The following ARMC8 variants were observed in gnomAD, a reference collection of about 807,000 sequenced individuals.
ARMC8 encodes armadillo repeat-containing protein 8.
A neutral mutation model predicts 99.3 loss-of-function variants in ARMC8; 20 were observed. That is an observed-to-expected ratio of 0.20 (90% CI 0.14 to 0.29). The LOEUF (loss-of-function observed/expected upper bound fraction) is 0.29, where lower values mean the gene tolerates loss of function less well. Among genes scored for constraint, ARMC8 ranks in the 10% least tolerant of loss-of-function variants. The pLI, the probability that ARMC8 is intolerant of heterozygous loss-of-function variation, is 1.00. For synonymous variants in ARMC8, 263 were observed against 278.3 expected, an observed-to-expected ratio of 0.95 and a Z score of 0.55; for missense variants, 569 against 809.5, an observed-to-expected ratio of 0.70 and a Z score of 3.60.
chr3:138,254,927 T>C (rs942113528), intron 12 of ARMC8, among the ~76,000 whole-genome samples: 1 of 152,180 alleles, frequency 6.6e-6, no homozygotes, highest in Admixed American at 6.5e-5. Context: ...AAATGAAATG[T>C]AGAAACTTAA....
intron 12 of ARMC8, among the ~76,000 whole-genome samples, chr3:138,249,504 A>G (rs1181752580): frequency 1.3e-5 from 2 of 152,088 alleles, no homozygotes; most frequent in Admixed American, 6.5e-5. Context: ...TTCTAGATGT[A>G]TGATTTTTTT....
chr3:138,224,700 A>C (rs1433514761), intron 5 of ARMC8, among the ~76,000 whole-genome samples: 1 of 152,186 alleles, frequency 6.6e-6, no homozygotes, highest in Non-Finnish European at 1.5e-5. Flanking sequence ...CAGTGATCTG[A>C]GATCACACCA....
intron 2 of ARMC8, 147 bp downstream of exon 2, chr3:138,210,040 G>A (rs1437996398): frequency 1.9e-5 from 10 of 528,390 alleles, no homozygotes; most frequent in South Asian, 1.4e-4. Context: ...CATTCATGAC[G>A]TTTAATATTT....
At chr3:138,277,880 CTA>C in intron 18 of ARMC8, among the ~76,000 whole-genome samples, 1 of 152,252 alleles carries the variant, frequency 6.6e-6, no homozygotes, top group Non-Finnish European at 1.5e-5. Flanking sequence ...CCTCAACAAA[CTA>C]TGGTGCATTC....
At chr3:138,265,347 A>G (rs1466640143) in intron 14 of ARMC8, among the ~76,000 whole-genome samples, 5 of 152,212 alleles carry the variant, frequency 3.3e-5, no homozygotes, top group African/African-American at 9.6e-5. Context: ...CCCCTGATAC[A>G]CTACAAAACT....
chr3:138,212,297 C>T (rs1339790723), intron 2 of ARMC8, among the ~76,000 whole-genome samples: 1 of 148,184 alleles, frequency 6.7e-6, no homozygotes, highest in African/African-American at 2.5e-5. Context: ...CATTATCTGT[C>T]TTTAAGTAAT....
At chr3:138,291,446 G>A (rs549791950) in intron 21 of ARMC8, among the ~76,000 whole-genome samples, 2 of 152,180 alleles carry the variant, frequency 1.3e-5, no homozygotes, top group African/African-American at 4.8e-5. Context: ...TCATTCATCA[G>A]ATATCTCTTT....
chr3:138,278,255 C>G (rs774284229), intron 18 of ARMC8, among the ~76,000 whole-genome samples: 15 of 152,058 alleles, frequency 9.9e-5, no homozygotes, highest in Non-Finnish European at 1.9e-4. Flanking sequence ...CACCGTGATC[C>G]CAGCACTTTG....
intron 21 of ARMC8, among the ~76,000 whole-genome samples, chr3:138,295,202 A>G (rs530360918): frequency 6.6e-6 from 1 of 152,206 alleles, no homozygotes; most frequent in East Asian, 1.9e-4. Context: ...CCCGGCCTAC[A>G]TTCTATCTTT....
intron 18 of ARMC8, among the ~76,000 whole-genome samples, chr3:138,284,125 GT>G (rs536328942): frequency 3.0e-3 from 454 of 152,292 alleles, no homozygotes; most frequent in Admixed American, 8.2e-3. Flanking sequence ...AAAATAATAA[GT>G]TACATTTTCT....
intron 2 of ARMC8, among the ~76,000 whole-genome samples, chr3:138,220,183 T>G (rs894171832): frequency 3.9e-5 from 6 of 152,190 alleles, no homozygotes; most frequent in Non-Finnish European, 8.8e-5. Flanking sequence ...AACTAAAGCC[T>G]CTAAAGAAAA....
At chr3:138,214,427 A>C (rs901007165) in intron 2 of ARMC8, among the ~76,000 whole-genome samples, 2 of 150,958 alleles carry the variant, frequency 1.3e-5, no homozygotes, top group Admixed American at 1.3e-4. Flanking sequence ...ATATGAGTTT[A>C]TTTTGGTAAT....
chr3:138,188,376 C>CT, intron 1 of ARMC8: 1 of 1,396,136 alleles, frequency 7.2e-7, no homozygotes, highest in South Asian at 1.4e-5. Context: ...GAAGTAAAAC[C>CT]TGTTTTTTTT....
intron 12 of ARMC8, chr3:138,245,999 A>G: frequency 1.0e-6 from 1 of 985,240 alleles, no homozygotes; most frequent in African/African-American, 1.7e-5. Flanking sequence ...GTCATTATTT[A>G]CTGAACATGA....
intron 16 of ARMC8, 144 bp from the exon 17 acceptor site, chr3:138,272,823 T>C (rs2048920303): frequency 1.1e-5 from 7 of 635,480 alleles, no homozygotes; most frequent in Non-Finnish European, 1.4e-5. Context: ...AGTGAGCCGT[T>C]ATTGTGCCAC....
intron 1 of ARMC8, among the ~76,000 whole-genome samples, chr3:138,197,017 A>G (rs2043776086): frequency 6.6e-6 from 1 of 152,234 alleles, no homozygotes; most frequent in East Asian, 1.9e-4. Flanking sequence ...GTAATCTCCT[A>G]GAAGGTGTAC....
At position 138,201,436 on chromosome 3, in the gene ARMC8, C is replaced by CTTTTTTTTTT. The variant is rs58707271; in HGVS notation, c.46-8349_46-8340dup. On this transcript the variant is annotated intron_variant, in intron 1 of 21. Coordinates refer to ENST00000469044, the MANE Select transcript of ARMC8 (RefSeq NM_001363941.2). ...TAGAGTCCTTGTCTTCTTCCCCTCC[C>CTTTTTTTTTT]TTTTTTTTTTTTTTTTTTTTTTTTT... 7.5e-4 allele frequency among the ~76,000 whole-genome samples: 49 copies of CTTTTTTTTTT among 64,996 alleles called. 18 individuals are homozygous for CTTTTTTTTTT. Among genetic ancestry groups the CTTTTTTTTTT allele is most frequent in the Non-Finnish European group, 1.3e-3 (38 of 29,394 alleles). The allele number at this position is 64,996 out of a possible 152,430, so 42.6% of individuals were successfully genotyped here.
At chr3:138,268,566 G>A (rs2048493525) in intron 15 of ARMC8, among the ~76,000 whole-genome samples, 1 of 152,040 alleles carries the variant, frequency 6.6e-6, no homozygotes, top group African/African-American at 2.4e-5. Context: ...TTTTTATATT[G>A]AAAAATTAAC....
At chr3:138,279,355 A>AT (rs1202178549) in intron 18 of ARMC8, among the ~76,000 whole-genome samples, 2 of 152,092 alleles carry the variant, frequency 1.3e-5, no homozygotes, top group Non-Finnish European at 2.9e-5. Context: ...AATTCATTTG[A>AT]TTCAGTTTCA....
Sources: gnomAD v4.1 joint callset for allele counts (sites outside exome capture counted in the v4.1 genomes callset) on GRCh38, gnomAD v4.1.1 for gene constraint, MANE v1.5 for transcripts, NCBI Gene and HGNC (gene_info 2026-07-23, HGNC 2026-07-21) for gene names.